The following TEK variants were observed in gnomAD, a reference collection of about 807,000 sequenced individuals.
TEK encodes the protein TEK receptor tyrosine kinase, also known as angiopoietin-1 receptor.
Under a neutral mutation model 131.8 loss-of-function variants are expected in TEK, and 43 were observed. The ratio of observed to expected loss-of-function variants is 0.33; its 90% CI spans 0.26 to 0.42. The LOEUF (loss-of-function observed/expected upper bound fraction) is 0.42. Ranked by LOEUF, TEK falls within the 10% of genes least tolerant of loss-of-function variation. The pLI is 1.00. For synonymous variants in TEK, 580 were observed against 491.6 expected, an observed-to-expected ratio of 1.18 and a Z score of -2.38; for missense variants, 1,162 against 1,384.4, an observed-to-expected ratio of 0.84 and a Z score of 2.55.
In TEK at chr9:27,143,090, A is replaced by AT. The variant is rs141693958; in HGVS notation, c.53-14740dup. Among the ~76,000 whole-genome samples the AT allele has an allele frequency of 4.1e-3, 632 of 152,330 alleles. 4 individuals carry two copies. Among genetic ancestry groups the AT allele is most frequent in the Non-Finnish European group, 6.1e-3 (414 of 68,032 alleles). Reference sequence around the variant, plus strand: ...GGGAGTGCTTCAAGATTGAGGGAGCATGTACAAAGCTGGGCTTCTGTTTCT... The same window carrying AT: ...GGGAGTGCTTCAAGATTGAGGGAGCATTGTACAAAGCTGGGCTTCTGTTTCT... On this transcript the variant is annotated intron_variant, in intron 1 of 22. Coordinates refer to ENST00000380036, the MANE Select transcript of TEK (RefSeq NM_000459.5).
chr9:27,167,318 C>G (rs1468672644), intron 2 of TEK, among the ~76,000 whole-genome samples: 1 of 152,050 alleles, frequency 6.6e-6, no homozygotes, highest in African/African-American at 2.4e-5. Context: ...ATCTCCGCCT[C>G]CCGGATTCAA....
chr9:27,228,181 A>G (rs1362962655), intron 21 of TEK, 25 bp from the exon 22 acceptor site: 1 of 1,586,800 alleles, frequency 6.3e-7, no homozygotes, highest in Non-Finnish European at 8.7e-7. Context: ...TATAGAATTA[A>G]CCCTTTAATT....
chr9:27,201,482 T>C (rs1403443297), intron 12 of TEK, among the ~76,000 whole-genome samples: 2 of 152,148 alleles, frequency 1.3e-5, no homozygotes, highest in African/African-American at 4.8e-5. Context: ...AAGGCTATTG[T>C]ATATTTTTAT....
At chr9:27,222,040 C>A (rs144166380) in intron 21 of TEK, among the ~76,000 whole-genome samples, 2 of 152,012 alleles carry the variant, frequency 1.3e-5, no homozygotes, top group African/African-American at 4.8e-5. Context: ...TAGAGAAGAA[C>A]GTAAATGACC....
At chr9:27,166,493 G>A (rs560053294) in intron 2 of TEK, among the ~76,000 whole-genome samples, 2 of 152,154 alleles carry the variant, frequency 1.3e-5, no homozygotes, top group Admixed American at 6.5e-5. Flanking sequence ...TATAATTTCA[G>A]GATTACAATA....
At chr9:27,205,148 A>G in intron 14 of TEK, 83 bp downstream of exon 14, 2 of 1,546,384 alleles carry the variant, frequency 1.3e-6, no homozygotes, top group Non-Finnish European at 1.8e-6. Flanking sequence ...GGACCAGGAA[A>G]TTTACTTATA....
chr9:27,208,262 T>C (rs1825471992), intron 15 of TEK, among the ~76,000 whole-genome samples: 1 of 152,158 alleles, frequency 6.6e-6, no homozygotes, highest in African/African-American at 2.4e-5. Flanking sequence ...TATTCCCTCA[T>C]GAGATGATTG....
chr9:27,206,937 T>G, intron 15 of TEK, 145 bp downstream of exon 15: 2 of 908,996 alleles, frequency 2.2e-6, no homozygotes, highest in Non-Finnish European at 3.4e-6. Context: ...TTATGCTTCC[T>G]TTGAAGTTGA....
intron 1 of TEK, among the ~76,000 whole-genome samples, chr9:27,124,618 T>C (rs1298904324): frequency 6.6e-6 from 1 of 152,186 alleles, no homozygotes; most frequent in East Asian, 1.9e-4. Context: ...GATGGAGAGT[T>C]GGGGCCAATA....
At chr9:27,192,987 G>A (rs1391595465) in intron 11 of TEK, among the ~76,000 whole-genome samples, 2 of 152,168 alleles carry the variant, frequency 1.3e-5, no homozygotes, top group Non-Finnish European at 2.9e-5. Flanking sequence ...CTGGCTTCCT[G>A]TTTCCATCTT....
Position 27,212,734 on chromosome 9 carries a change from C to T in TEK, c.2714C>T (p.Ala905Val). The T allele has an allele frequency of 3.7e-6, 6 of 1,614,092 alleles. No homozygotes were observed. The highest frequency in any genetic ancestry group is 5.1e-6 in the Non-Finnish European group (6 of 1,180,016). ...RGYLYLAIEYAPHGNLLDFLR... is the reference protein window; with the variant it reads ...RGYLYLAIEYVPHGNLLDFLR... ...TACTTGTACCTGGCCATTGAGTACG[C>T]GCCCCATGGAAACCTTCTGGACTTC... Residue 905 changes from alanine to valine, a missense_variant, in exon 17 of 23, where the codon GCG becomes GTG. Physicochemically the swap from Ala to Val is moderately conservative, Grantham distance 64 (BLOSUM62 0). Around this residue, in one of 6 missense-constraint regions of TEK, gnomAD observed 57 missense variants for 100.8 expected, o/e 0.57. Coordinates refer to ENST00000380036, the MANE Select transcript of TEK (RefSeq NM_000459.5).
chr9:27,189,076 C>T (rs1824709246), intron 9 of TEK, among the ~76,000 whole-genome samples: 1 of 152,092 alleles, frequency 6.6e-6, no homozygotes, highest in South Asian at 2.1e-4. Context: ...GCAATGTCCT[C>T]TGAAATCTGA....
At chr9:27,136,085 AT>A (rs36023271) in intron 1 of TEK, among the ~76,000 whole-genome samples, 126 of 136,918 alleles carry the variant, frequency 9.2e-4, no homozygotes, top group Admixed American at 1.3e-3. Context: ...CAGGGCAGTT[AT>A]TTTTTTTTTT....
intron 1 of TEK, among the ~76,000 whole-genome samples, chr9:27,137,349 C>T (rs1352252156): frequency 6.6e-6 from 1 of 152,130 alleles, no homozygotes; most frequent in Non-Finnish European, 1.5e-5. Flanking sequence ...TTTAATAAGT[C>T]GCTGAAATAA....
intron 2 of TEK, among the ~76,000 whole-genome samples, chr9:27,165,153 G>A (rs2131134761): frequency 6.6e-6 from 1 of 152,298 alleles, no homozygotes; most frequent in Middle Eastern, 3.4e-3. Flanking sequence ...AAATAATAAA[G>A]AGCCACAGAG....
At position 27,174,765 on chromosome 9, in the gene TEK, C is replaced by T. The variant is rs550822182; in HGVS notation, c.901+1403C>T. Reference sequence around the variant, plus strand: ...AGCCACAGCAGTGGAGAAATCCCATCTGGCCTCTGAAGTGTGTATGTTAAG... The same window carrying T: ...AGCCACAGCAGTGGAGAAATCCCATTTGGCCTCTGAAGTGTGTATGTTAAG... On this transcript the variant is annotated intron_variant, in intron 6 of 22. Transcript: ENST00000380036. 3.3e-5 allele frequency among the ~76,000 whole-genome samples: 5 copies of T among 152,242 alleles called. No homozygotes were observed. In the South Asian group the frequency reaches 1.0e-3, roughly 32 times the overall value.
chr9:27,114,512 A>G (rs1209575217), intron 1 of TEK, among the ~76,000 whole-genome samples: 1 of 152,144 alleles, frequency 6.6e-6, no homozygotes, highest in African/African-American at 2.4e-5. Flanking sequence ...CAGAGGTTGC[A>G]GTGAGCCGAG....
chr9:27,144,651 CA>C (rs952852722), intron 1 of TEK, among the ~76,000 whole-genome samples: 21 of 152,024 alleles, frequency 1.4e-4, no homozygotes, highest in African/African-American at 5.1e-4. Context: ...AGCTACTTCC[CA>C]AATAGGTGGC....
intron 21 of TEK, among the ~76,000 whole-genome samples, chr9:27,224,234 A>C (rs528216558): frequency 6.6e-6 from 1 of 151,026 alleles, no homozygotes; most frequent in South Asian, 2.1e-4. Flanking sequence ...CAATAGAAAA[A>C]GAGGGATCTT....
Sources: allele counts gnomAD v4.1 joint callset (sites outside exome capture counted in the v4.1 genomes callset), GRCh38; gene constraint gnomAD v4.1.1; regional missense constraint gnomAD v4.1.1; transcripts MANE v1.5; gene names NCBI Gene and HGNC (gene_info 2026-07-23, HGNC 2026-07-21).